CEP128: variants seen among roughly 807,000 people sequenced by gnomAD.
CEP128 encodes the protein centrosomal protein 128, also known as centrosomal protein 128kDa.
CEP128 carries 132 observed loss-of-function variants against 156.7 expected under a neutral mutation model. The ratio of observed to expected loss-of-function variants is 0.84; its 90% CI spans 0.73 to 0.97. CEP128 has a LOEUF of 0.97. Among genes scored for constraint, CEP128 ranks in the 50% least tolerant of loss-of-function variants. The probability of loss-of-function intolerance (pLI) is 0.00; values close to 1 mark genes in which losing one functional copy is unlikely to be tolerated. For missense variants in CEP128, 1,252 were observed against 1,281.9 expected (o/e 0.98, Z 0.36); for synonymous variants, 469 against 448.9 (o/e 1.04, Z -0.57).
At chr14:80,768,315 G>T (rs1202062408) in intron 16 of CEP128, among the ~76,000 whole-genome samples, 1 of 152,152 alleles carries the variant, frequency 6.6e-6, no homozygotes, top group African/African-American at 2.4e-5. Context: ...GTGGTAAGAA[G>T]TATTCAGATG....
chr14:80,578,653 T>C (rs2140438648), intron 20 of CEP128, among the ~76,000 whole-genome samples: 1 of 152,294 alleles, frequency 6.6e-6, no homozygotes, highest in Admixed American at 6.5e-5. Flanking sequence ...CATTGTAGGA[T>C]TTCAGCCTAT....
At chr14:80,680,530 C>T (rs1896277905) in intron 19 of CEP128, among the ~76,000 whole-genome samples, 1 of 152,142 alleles carries the variant, frequency 6.6e-6, no homozygotes, top group African/African-American at 2.4e-5. Flanking sequence ...CCTCTCTGCT[C>T]CACACGCAGA....
chr14:80,553,260 A>T (rs1035708270), intron 21 of CEP128, among the ~76,000 whole-genome samples: 10 of 152,030 alleles, frequency 6.6e-5, no homozygotes, highest in African/African-American at 2.4e-4. Flanking sequence ...CCCAACCGAC[A>T]TGCCCTAGTG....
chr14:80,477,036 A>G (rs941204241), exon 15 of CEP128: 1 of 152,200 alleles, frequency 6.6e-6, no homozygotes, highest in Non-Finnish European at 1.5e-5. Flanking sequence ...TAAGAAAACC[A>G]AAGGCACATT....
intron 20 of CEP128, 39 bp from the exon 21 acceptor site, chr14:80,559,341 C>T: frequency 1.3e-6 from 2 of 1,538,690 alleles, no homozygotes; most frequent in South Asian, 1.2e-5. Context: ...AAAACGAAGG[C>T]TGTTTAAAAT....
At chr14:80,788,629 C>T (rs574480397) in intron 14 of CEP128, among the ~76,000 whole-genome samples, 1 of 152,050 alleles carries the variant, frequency 6.6e-6, no homozygotes, top group African/African-American at 2.4e-5. Flanking sequence ...AGCATCAATG[C>T]CCCTAAATAT....
intron 9 of CEP128, among the ~76,000 whole-genome samples, chr14:80,855,367 T>C (rs982896370): frequency 9.2e-5 from 14 of 152,192 alleles, no homozygotes; most frequent in African/African-American, 3.4e-4. Flanking sequence ...AGGATTGTGT[T>C]TGACTTTTAA....
At chr14:80,748,829 C>T (rs1375319166) in intron 18 of CEP128, among the ~76,000 whole-genome samples, 1 of 152,136 alleles carries the variant, frequency 6.6e-6, no homozygotes, top group East Asian at 1.9e-4. Context: ...TAAAATAAAG[C>T]ACCAAGTAGA....
intron 8 of CEP128, among the ~76,000 whole-genome samples, chr14:80,892,571 G>C (rs1021707574): frequency 3.3e-5 from 5 of 151,804 alleles, no homozygotes; most frequent in Non-Finnish European, 7.4e-5. Context: ...AACTAAAAAG[G>C]CTCTATACAG....
intron 19 of CEP128, among the ~76,000 whole-genome samples, chr14:80,648,268 C>A (rs955453064): frequency 3.3e-5 from 5 of 151,854 alleles, no homozygotes; most frequent in African/African-American, 1.2e-4. Flanking sequence ...ATGAAGTAAA[C>A]CCTGATTTGA....
At chr14:80,632,531 C>T (rs1894004081) in intron 19 of CEP128, among the ~76,000 whole-genome samples, 1 of 148,700 alleles carries the variant, frequency 6.7e-6, no homozygotes, top group Admixed American at 6.8e-5. Flanking sequence ...CAATGTTATC[C>T]TTGGAGTCCA....
intron 9 of CEP128, among the ~76,000 whole-genome samples, chr14:80,852,393 T>G (rs549499515): frequency 3.9e-4 from 60 of 151,928 alleles, no homozygotes; most frequent in African/African-American, 1.4e-3. Flanking sequence ...ACAAAGCATA[T>G]GGTAATTTGG....
chr14:80,506,056 C>T (rs1021238409), intron 23 of CEP128, among the ~76,000 whole-genome samples: 8 of 152,066 alleles, frequency 5.3e-5, no homozygotes, highest in Non-Finnish European at 1.2e-4. Flanking sequence ...AGATAAGACC[C>T]CTCTGGGAGG....
chr14:80,483,373 T>C (rs1238274451), intron 14 of CEP128, among the ~76,000 whole-genome samples: 3 of 152,206 alleles, frequency 2.0e-5, no homozygotes, highest in East Asian at 3.8e-4. Context: ...TCTACTAATA[T>C]CTTTTAAGGC....
At chr14:80,588,480 A>T (rs1566796078) in intron 19 of CEP128, among the ~76,000 whole-genome samples, 1 of 152,158 alleles carries the variant, frequency 6.6e-6, no homozygotes. Flanking sequence ...GTAAATGATT[A>T]GAGATAGTTT....
chr14:80,930,889 G>C (rs1364554795), intron 2 of CEP128, among the ~76,000 whole-genome samples: 1 of 152,194 alleles, frequency 6.6e-6, no homozygotes, highest in Admixed American at 6.5e-5. Flanking sequence ...TGCTGCTAAG[G>C]ACATTTGTCA....
chr14:80,953,728 AT>A (rs971119492), intron 2 of CEP128, among the ~76,000 whole-genome samples: 4 of 152,196 alleles, frequency 2.6e-5, no homozygotes, highest in African/African-American at 9.7e-5. Context: ...CACGAACAAG[AT>A]TTAAAACAGT....
intron 19 of CEP128, among the ~76,000 whole-genome samples, chr14:80,647,055 A>ATGTGTGTGTGTG (rs1894678845): frequency 2.2e-4 from 8 of 36,550 alleles, no homozygotes; most frequent in East Asian, 2.9e-3. Context: ...ATATATATAT[A>ATGTGTGTGTGTG]TATATATATA....
At chr14:80,679,729 C>T (rs1263718501) in intron 19 of CEP128, among the ~76,000 whole-genome samples, 21 of 134,070 alleles carry the variant, frequency 1.6e-4, no homozygotes, top group Admixed American at 1.4e-3. Context: ...GATCTTTGTT[C>T]TCCTTTTTGC....
Sources: allele counts gnomAD v4.1 joint callset (sites outside exome capture counted in the v4.1 genomes callset), GRCh38; gene constraint gnomAD v4.1.1; transcripts MANE v1.5; gene names NCBI Gene and HGNC (gene_info 2026-07-23, HGNC 2026-07-21).